CNTNAP2: variants seen among roughly 807,000 people sequenced by gnomAD.
CNTNAP2 encodes contactin-associated protein-like 2.
In CNTNAP2, 98 loss-of-function variants were observed where a neutral mutation model predicts 155.2. The ratio of observed to expected loss-of-function variants is 0.63; its 90% confidence interval spans 0.54 to 0.75. The LOEUF is 0.75. Among genes scored for constraint, CNTNAP2 ranks in the 30% least tolerant of loss-of-function variants. The pLI is 0.00. For missense variants in CNTNAP2, 1,727 were observed against 1,688.1 expected (o/e 1.02, Z -0.40); for synonymous variants, 651 against 631.2 (o/e 1.03, Z -0.47).
At chr7:148,285,388 G>C (rs1235837603) in intron 21 of CNTNAP2, among the ~76,000 whole-genome samples, 1 of 152,202 alleles carries the variant, frequency 6.6e-6, no homozygotes, top group Non-Finnish European at 1.5e-5. Flanking sequence ...GGAGGAATTA[G>C]CATTCAAAAT....
chr7:146,736,812 T>G (rs910470707), intron 1 of CNTNAP2, among the ~76,000 whole-genome samples: 1 of 152,198 alleles, frequency 6.6e-6, no homozygotes, highest in African/African-American at 2.4e-5. Flanking sequence ...CTGGATCATA[T>G]GAGTAAGGTC....
chr7:147,134,831 G>C (rs1801447265), intron 8 of CNTNAP2, among the ~76,000 whole-genome samples: 1 of 151,838 alleles, frequency 6.6e-6, no homozygotes, highest in Non-Finnish European at 1.5e-5. Context: ...ATCAGCATGA[G>C]CATTGAAGAA....
chr7:146,195,511 T>G (rs1798762637), intron 1 of CNTNAP2, among the ~76,000 whole-genome samples: 1 of 152,208 alleles, frequency 6.6e-6, no homozygotes, highest in East Asian at 1.9e-4. Flanking sequence ...CTGCTTCCAA[T>G]TGCTCTTTCT....
At chr7:148,085,756 G>T (rs1803715305) in intron 15 of CNTNAP2, among the ~76,000 whole-genome samples, 1 of 148,330 alleles carries the variant, frequency 6.7e-6, no homozygotes, top group Admixed American at 6.8e-5. Context: ...GTCTTGCTCT[G>T]TTGCCCAGGC....
At chr7:146,521,045 A>G (rs1169580026) in intron 1 of CNTNAP2, among the ~76,000 whole-genome samples, 1 of 152,010 alleles carries the variant, frequency 6.6e-6, no homozygotes, top group Non-Finnish European at 1.5e-5. Context: ...ACAAGAGTTC[A>G]GGAACAAGTG....
chr7:147,178,927 T>C lies in CNTNAP2; in HGVS notation c.1348+46418T>C, dbSNP rs541186741. ...CAAGTTCATTGTGGAAAGATGACTC[T>C]GTTAGGATTAAGGACTCCAGATAAA... On this transcript the variant is annotated intron_variant, in intron 8 of 23. Coordinates refer to ENST00000361727, the MANE Select transcript of CNTNAP2 (RefSeq NM_014141.6). 7.2e-5 allele frequency among the ~76,000 whole-genome samples: 11 copies of C among 152,284 alleles called. No homozygotes were observed. The South Asian group carries it at 2.3e-3, about 32-fold the overall frequency.
rs576201387 is a variant in CNTNAP2, at chr7:147,295,359, T to A, written c.1349-4782T>A. ...GGATGCACAGGGTCTATATAAATAA[T>A]GTATTTTGTTGTGGTTCTTGTTTAT... On this transcript the variant is annotated intron_variant, in intron 8 of 23. Coordinates refer to ENST00000361727, the MANE Select transcript of CNTNAP2 (RefSeq NM_014141.6). 2.6e-5 allele frequency among the ~76,000 whole-genome samples: 4 copies of A among 152,226 alleles called. No homozygotes were observed. In the East Asian group the frequency reaches 7.7e-4, roughly 29 times the overall value.
intron 9 of CNTNAP2, among the ~76,000 whole-genome samples, chr7:147,368,129 CACAA>C (rs1796275604): frequency 7.3e-6 from 1 of 136,790 alleles, no homozygotes; most frequent in Non-Finnish European, 1.6e-5. Flanking sequence ...CACACACACA[CACAA>C]ATATACACCA....
intron 1 of CNTNAP2, among the ~76,000 whole-genome samples, chr7:146,186,791 C>A (rs1050193771): frequency 6.6e-6 from 1 of 152,084 alleles, no homozygotes; most frequent in African/African-American, 2.4e-5. Context: ...AAGTTTATGG[C>A]ATCCTTTATT....
intron 15 of CNTNAP2, among the ~76,000 whole-genome samples, chr7:148,027,826 G>A (rs1466565713): frequency 6.6e-6 from 1 of 152,134 alleles, no homozygotes; most frequent in East Asian, 1.9e-4. Flanking sequence ...AACATAAATT[G>A]AAAATTATTC....
chr7:146,953,565 C>T (rs1411633862), intron 3 of CNTNAP2, among the ~76,000 whole-genome samples: 1 of 151,802 alleles, frequency 6.6e-6, no homozygotes, highest in African/African-American at 2.4e-5. Context: ...TTACGAAATT[C>T]GAAATAAGCA....
At chr7:146,998,145 T>C (rs1798348063) in intron 3 of CNTNAP2, among the ~76,000 whole-genome samples, 1 of 152,040 alleles carries the variant, frequency 6.6e-6, no homozygotes, top group African/African-American at 2.4e-5. Context: ...TGGAGATTTT[T>C]CATATACTCT....
intron 13 of CNTNAP2, among the ~76,000 whole-genome samples, chr7:147,827,068 T>C (rs1364140057): frequency 6.6e-6 from 1 of 151,970 alleles, no homozygotes; most frequent in Non-Finnish European, 1.5e-5. Flanking sequence ...GTAGCGGGAC[T>C]ACAGGCACCC....
At chr7:146,640,981 A>C (rs1254339214) in intron 1 of CNTNAP2, among the ~76,000 whole-genome samples, 6 of 152,134 alleles carry the variant, frequency 3.9e-5, no homozygotes, top group African/African-American at 1.2e-4. Flanking sequence ...GAATAAGTAA[A>C]AGCCTAACAA....
At chr7:148,022,231 G>A (rs1410530431) in intron 15 of CNTNAP2, among the ~76,000 whole-genome samples, 1 of 152,078 alleles carries the variant, frequency 6.6e-6, no homozygotes, top group East Asian at 1.9e-4. Context: ...CACTATGGGA[G>A]GCTAGGCAGG....
intron 3 of CNTNAP2, among the ~76,000 whole-genome samples, chr7:146,939,778 G>C (rs117656672): frequency 6.6e-6 from 1 of 152,062 alleles, no homozygotes; most frequent in African/African-American, 2.4e-5. Flanking sequence ...AGTGGTTTTA[G>C]CACCTACAAA....
chr7:146,468,927 A>C (rs1170513285), intron 1 of CNTNAP2, among the ~76,000 whole-genome samples: 3 of 151,952 alleles, frequency 2.0e-5, no homozygotes, highest in African/African-American at 7.3e-5. Context: ...GAATTAGAAA[A>C]GTGTTTAAAA....
At chr7:148,061,990 GAT>G (rs1803159108) in intron 15 of CNTNAP2, among the ~76,000 whole-genome samples, 19 of 131,056 alleles carry the variant, frequency 1.4e-4, no homozygotes, top group African/African-American at 6.0e-4. Context: ...TAGATAGATA[GAT>G]AGATAGATAG....
Position 147,639,216 on chromosome 7 carries a change from G to T in CNTNAP2, c.2008G>T (p.Asp670Tyr), listed in dbSNP as rs1795236150. Residue 670 changes from aspartate (D) to tyrosine (Y), a missense_variant, in exon 13 of 24, where the codon GAC becomes TAC. Asp to Tyr is a radical substitution (Grantham distance 160, BLOSUM62 -3). Transcript: ENST00000361727. ...ACAGCTCGTTTACAGCGCCTCCATG[G>T]ACCAGATAAGTGCCATCACTGACAG... is the stretch of plus-strand genomic sequence containing the variant. ...VTQLVYSASM[D>Y]QISAITDSAE... The T allele has an allele frequency of 6.2e-7, 1 of 1,613,974 alleles. No individual in the cohort carries two copies. The highest frequency in any genetic ancestry group is 8.5e-7 in the Non-Finnish European group (1 of 1,180,002).
Sources: allele counts gnomAD v4.1 joint callset (sites outside exome capture counted in the v4.1 genomes callset), GRCh38; gene constraint gnomAD v4.1.1; transcripts MANE v1.5; gene names NCBI Gene and HGNC (gene_info 2026-07-23, HGNC 2026-07-21).